The following C6 variants were observed in gnomAD, a reference collection of about 807,000 sequenced individuals.
C6 encodes the protein complement component C6.
Under a neutral mutation model 112.9 loss-of-function variants are expected in C6, and 101 were observed. The ratio of observed to expected loss-of-function variants is 0.89; its 90% CI spans 0.76 to 1.06. The LOEUF is 1.06. C6 is among the 50% of genes least tolerant of loss of function. The pLI is 0.00. For missense variants in C6, 1,202 were observed against 1,104.6 expected (o/e 1.09, Z -1.25); for synonymous variants, 431 against 384.1 (o/e 1.12, Z -1.43).
At chr5:41,184,631 C>G (rs1749626933) in intron 6 of C6, among the ~76,000 whole-genome samples, 1 of 151,972 alleles carries the variant, frequency 6.6e-6, no homozygotes, top group Non-Finnish European at 1.5e-5. Context: ...ACCACTACGC[C>G]CAGCTAAGTT....
At chr5:41,246,253 G>A (rs7706509) in intron 1 of C6, among the ~76,000 whole-genome samples, 4,260 of 152,170 alleles carry the variant, frequency 0.028, 216 homozygotes, top group African/African-American at 0.097. Context: ...TTTGCTGTTA[G>A]ATCTCTGTTT....
intron 5 of C6, among the ~76,000 whole-genome samples, chr5:41,193,776 G>A (rs1359285812): frequency 6.7e-6 from 1 of 149,842 alleles, no homozygotes; most frequent in South Asian, 2.1e-4. Context: ...AGTTAAGAAG[G>A]TCAGCCACTC....
At chr5:41,247,312 T>TG (rs1741080234) in intron 1 of C6, among the ~76,000 whole-genome samples, 1 of 152,056 alleles carries the variant, frequency 6.6e-6, no homozygotes, top group Non-Finnish European at 1.5e-5. Context: ...TCCAAAAGTC[T>TG]CCTGGAATGA....
At chr5:41,256,847 A>G (rs1741746257) in intron 1 of C6, among the ~76,000 whole-genome samples, 1 of 152,068 alleles carries the variant, frequency 6.6e-6, no homozygotes, top group African/African-American at 2.4e-5. Flanking sequence ...TAAAGGAACA[A>G]TTGCCTCATG....
chr5:41,148,621 A>G (rs887731358), intron 17 of C6, among the ~76,000 whole-genome samples: 12 of 152,192 alleles, frequency 7.9e-5, no homozygotes, highest in African/African-American at 2.7e-4. Context: ...AGATGACTCC[A>G]CAGGCATGAG....
At chr5:41,184,811 A>G (rs986049568) in intron 6 of C6, among the ~76,000 whole-genome samples, 2 of 152,042 alleles carry the variant, frequency 1.3e-5, no homozygotes, top group Non-Finnish European at 2.9e-5. Context: ...GATGTAAACA[A>G]TTTTCTACCT....
chr5:41,215,685 G>A (rs183273289), upstream of C6, among the ~76,000 whole-genome samples: 13 of 152,170 alleles, frequency 8.5e-5, no homozygotes, highest in African/African-American at 3.1e-4. Flanking sequence ...ACAGAAGGGT[G>A]CAGGAGAAAA....
At chr5:41,250,981 A>G (rs1351635448) in intron 1 of C6, among the ~76,000 whole-genome samples, 1 of 152,150 alleles carries the variant, frequency 6.6e-6, no homozygotes, top group Non-Finnish European at 1.5e-5. Context: ...TTTTTTGTCA[A>G]TCGTTTGATC....
At chr5:41,192,105 A>G (rs1210084565) in intron 5 of C6, among the ~76,000 whole-genome samples, 2 of 152,182 alleles carry the variant, frequency 1.3e-5, no homozygotes, top group Non-Finnish European at 1.5e-5. Context: ...AGTTTTTATC[A>G]TGAAAGGATG....
intron 1 of C6, among the ~76,000 whole-genome samples, chr5:41,259,158 G>A (rs1267877388): frequency 6.6e-6 from 1 of 152,112 alleles, no homozygotes; most frequent in Non-Finnish European, 1.5e-5. Context: ...TGCCTTTAGG[G>A]GATCTTGCTC....
chr5:41,208,693 A>G (rs1393169238), intron 1 of C6, among the ~76,000 whole-genome samples: 1 of 152,144 alleles, frequency 6.6e-6, no homozygotes, highest in African/African-American at 2.4e-5. Context: ...TCCCTGAATA[A>G]ACCAATAACA....
In C6 at chr5:41,181,542, A is replaced by G. The variant is rs1348060723; in HGVS notation, c.744T>C (p.Asp248=). 41 of 1,613,394 alleles carry G rather than the reference A, an allele frequency of 2.5e-5. No homozygotes were observed. Among genetic ancestry groups the G allele is most frequent in the East Asian group, 4.5e-5 (2 of 44,756 alleles). Residue 248 remains aspartate (D), a synonymous_variant, in exon 7 of 18, where the codon GAT becomes GAC. Transcript: ENST00000337836. ...CCTTGTAGAAATCTGTTTTCAAGTC[A>G]TCTTCTGCAGTTTGTACCTGGAGAA... ...NVGFEVQTAE[D]DLKTDFYKDL... is the part of the protein sequence containing the mutation.
chr5:41,164,267 A>C (rs1217472849), intron 9 of C6, among the ~76,000 whole-genome samples: 1 of 152,188 alleles, frequency 6.6e-6, no homozygotes, highest in Admixed American at 6.5e-5. Context: ...ATCTTTGGCA[A>C]TTAAGGAGGA....
chr5:41,260,314 C>T (rs1274232271), intron 1 of C6, among the ~76,000 whole-genome samples: 1 of 151,952 alleles, frequency 6.6e-6, no homozygotes, highest in East Asian at 1.9e-4. Flanking sequence ...ACATAACTTT[C>T]TTCAGAAAAA....
Position 41,159,076 on chromosome 5 carries a change from C to G in C6, c.1856+6G>C. 6.2e-7 allele frequency: 1 copy of G among 1,613,558 alleles called. No individual in the cohort carries two copies. The highest frequency in any genetic ancestry group is 1.1e-5 in the South Asian group (1 of 91,074). ...TGACCCATTCTTTTCCCTTACCCGG[C>G]CTTACTTGTTTTCCATGATTGAAAA... On this transcript the variant is annotated splice_donor_region_variant and intron_variant, in intron 12 of 17. Transcript: ENST00000337836.
At chr5:41,214,784 T>C (rs917640193), upstream of C6, among the ~76,000 whole-genome samples, 4 of 152,184 alleles carry the variant, frequency 2.6e-5, no homozygotes, top group African/African-American at 9.6e-5. Context: ...AGGCAAATAC[T>C]GGAAGTCATA....
chr5:41,201,703 A>G lies in C6; in HGVS notation c.155T>C (p.Val52Ala), dbSNP rs1751047027. ...AAAGTTTTCCTGGTAGTACTTATCTACTACTATTTGTCTGTAACCATGAAG... is the reference window on the plus strand; with the variant it reads ...AAAGTTTTCCTGGTAGTACTTATCTGCTACTATTTGTCTGTAACCATGAAG... ...GTQSRHRQIV[V>A]DKYYQENFCE... The change falls in exon 3 of 18, where the codon GTA becomes GCA. Residue 52 changes from valine to alanine, a missense_variant. Coordinates refer to ENST00000337836, the MANE Select transcript of C6 (RefSeq NM_000065.5). 2 of 1,613,384 alleles carry G rather than the reference A, an allele frequency of 1.2e-6. No homozygotes were observed. Among genetic ancestry groups the G allele is most frequent in the African/African-American group, 1.3e-5 (1 of 74,880 alleles).
intron 1 of C6, among the ~76,000 whole-genome samples, chr5:41,247,323 C>T (rs1280808752): frequency 6.6e-6 from 1 of 151,948 alleles, no homozygotes; most frequent in Admixed American, 6.6e-5. Flanking sequence ...CCTGGAATGA[C>T]GTCAGTAAAA....
At chr5:41,245,543 T>C (rs1399614332) in intron 1 of C6, among the ~76,000 whole-genome samples, 1 of 152,122 alleles carries the variant, frequency 6.6e-6, no homozygotes, top group Non-Finnish European at 1.5e-5. Context: ...AGTAAAGCCA[T>C]CTGGACCTTG....
Sources: allele counts gnomAD v4.1 joint callset (sites outside exome capture counted in the v4.1 genomes callset), GRCh38; gene constraint gnomAD v4.1.1; transcripts MANE v1.5; gene names NCBI Gene and HGNC (gene_info 2026-07-23, HGNC 2026-07-21).